Variants in SEC31A observed in about 807,000 individuals in gnomAD.
SEC31A encodes the protein protein transport protein Sec31A.
Under a neutral mutation model 151.0 loss-of-function variants are expected in SEC31A, and 70 were observed. The observed-to-expected ratio is 0.46, with a 90% CI of 0.38 to 0.57. The LOEUF is 0.57. Ranked by LOEUF, SEC31A falls within the 20% of genes least tolerant of loss-of-function variation. The pLI, the probability that SEC31A is intolerant of heterozygous loss-of-function variation, is 0.00. For missense variants in SEC31A, 1,330 were observed against 1,471.2 expected (o/e 0.90, Z 1.57); for synonymous variants, 475 against 505.9 (o/e 0.94, Z 0.82).
At chr4:82,881,518 T>C (rs1406997901) in intron 2 of SEC31A, among the ~76,000 whole-genome samples, 1 of 152,150 alleles carries the variant, frequency 6.6e-6, no homozygotes, top group Admixed American at 6.5e-5. Context: ...ATATATGATA[T>C]AACTATTTCT....
intron 1 of SEC31A, among the ~76,000 whole-genome samples, chr4:82,888,762 G>A (rs1406450353): frequency 6.6e-6 from 1 of 151,702 alleles, no homozygotes; most frequent in East Asian, 1.9e-4. Flanking sequence ...TATTTTTCAT[G>A]CAACTTTCTC....
chr4:82,889,880 C>T (rs1266583074), intron 1 of SEC31A, among the ~76,000 whole-genome samples: 2 of 152,080 alleles, frequency 1.3e-5, no homozygotes, highest in East Asian at 3.8e-4. Context: ...AAACCTCTCC[C>T]TGAGCTGTTA....
intron 1 of SEC31A, among the ~76,000 whole-genome samples, chr4:82,883,363 A>G (rs1483239065): frequency 7.9e-5 from 12 of 152,230 alleles, no homozygotes. Context: ...ATAAATTTCC[A>G]GAAGTAAAAT....
chr4:82,822,905 G>A (rs1349797034), intron 25 of SEC31A, among the ~76,000 whole-genome samples: 4 of 152,050 alleles, frequency 2.6e-5, no homozygotes, highest in Non-Finnish European at 4.4e-5. Flanking sequence ...CCTGGGAGGC[G>A]GAGGTTGCAG....
At chr4:82,848,669 GA>G in intron 20 of SEC31A, 134 bp downstream of exon 20, 1 of 640,688 alleles carries the variant, frequency 1.6e-6, no homozygotes, top group East Asian at 3.3e-5. Flanking sequence ...CAAGATTCTA[GA>G]AAATAGATCT....
At chr4:82,867,043 T>C (rs1735570516) in intron 9 of SEC31A, 83 bp from the exon 10 acceptor site, 1 of 1,553,422 alleles carries the variant, frequency 6.4e-7, no homozygotes. Context: ...AAATTTTTGA[T>C]CACAATTGTC....
intron 19 of SEC31A, 120 bp from the exon 20 acceptor site, chr4:82,849,097 T>C (rs1003202365): frequency 1.5e-5 from 13 of 879,880 alleles, no homozygotes; most frequent in Non-Finnish European, 2.3e-5. Context: ...ATGCTGGGTA[T>C]TATACAATAG....
At position 82,818,958 on chromosome 4, in the gene SEC31A, C is replaced by T; in HGVS notation, c.*116G>A. 1 of 740,518 alleles carries T rather than the reference C, an allele frequency of 1.4e-6. No individual in the cohort carries two copies. The highest frequency in any genetic ancestry group is 2.5e-5 in the South Asian group (1 of 39,480). The allele number at this position is 740,518 out of a possible 1,614,324, so 45.9% of individuals were successfully genotyped here. ...TATCAGCAGAAATAGTGTAAATGCT[C>T]TTGACTGGTTGCTATGCAAACATGC... On this transcript the variant is annotated 3_prime_UTR_variant, in exon 27 of 27. Coordinates refer to ENST00000395310, the MANE Select transcript of SEC31A (RefSeq NM_001077207.4).
intron 4 of SEC31A, among the ~76,000 whole-genome samples, chr4:82,876,898 C>T (rs987592064): frequency 1.3e-5 from 2 of 152,140 alleles, no homozygotes; most frequent in African/African-American, 4.8e-5. Context: ...ATCAGCTGTT[C>T]AATACAATTA....
At chr4:82,877,134 C>G (rs1014457556) in intron 4 of SEC31A, among the ~76,000 whole-genome samples, 1 of 152,022 alleles carries the variant, frequency 6.6e-6, no homozygotes, top group African/African-American at 2.4e-5. Context: ...GTGGCTGAGA[C>G]AGAAGACTTG....
chr4:82,891,072 C>G lies in SEC31A; in HGVS notation c.-5+16G>C. The G allele has an allele frequency of 6.5e-7, 1 of 1,535,890 alleles. No homozygotes were observed. Reference sequence around the variant, plus strand: ...AAGGACCGGCGAAGAGGACAAAAAGCAACGGGCGGACGCACCTGGCGAGGA... The same window carrying G: ...AAGGACCGGCGAAGAGGACAAAAAGGAACGGGCGGACGCACCTGGCGAGGA... On this transcript the variant is annotated intron_variant, in intron 1 of 26. Transcript: ENST00000395310.
chr4:82,872,282 C>T (rs184413504), intron 6 of SEC31A, among the ~76,000 whole-genome samples, 196 bp from the exon 7 acceptor site: 169 of 152,254 alleles, frequency 1.1e-3, no homozygotes, highest in Non-Finnish European at 1.8e-3. Context: ...CCACCTCCCC[C>T]AGGTTCAAGT....
chr4:82,841,649 C>A (rs1304429092), intron 22 of SEC31A, among the ~76,000 whole-genome samples: 2 of 148,330 alleles, frequency 1.3e-5, no homozygotes, highest in African/African-American at 4.9e-5. Context: ...TTAAAAAAAA[C>A]AAAAAAACCC....
At chr4:82,827,714 T>G (rs1249126312) in intron 23 of SEC31A, 82 bp from the exon 24 acceptor site, 3 of 1,439,122 alleles carry the variant, frequency 2.1e-6, no homozygotes, top group Admixed American at 2.1e-5. Context: ...ATAAGGGAGT[T>G]AGGTTATACC....
chr4:82,857,258 CT>C (rs967111432), intron 15 of SEC31A, 128 bp from the exon 16 acceptor site: 2 of 743,866 alleles, frequency 2.7e-6, no homozygotes, highest in African/African-American at 3.6e-5. Context: ...TTTCTGATTA[CT>C]AGTGGATTAA....
chr4:82,874,466 A>G, intron 6 of SEC31A, 145 bp downstream of exon 6: 1 of 739,888 alleles, frequency 1.4e-6, no homozygotes, highest in South Asian at 2.5e-5. Flanking sequence ...AAAAAAAACA[A>G]AACATTCCTT....
At chr4:82,821,003 TG>T in intron 26 of SEC31A, 33 bp downstream of exon 26, 1 of 1,559,582 alleles carries the variant, frequency 6.4e-7, no homozygotes, top group South Asian at 1.1e-5. Flanking sequence ...TAGGAATAAA[TG>T]ATTATCATAA....
chr4:82,896,350 T>TG (rs1215790106), intron 3 of SEC31A, among the ~76,000 whole-genome samples: 1 of 152,156 alleles, frequency 6.6e-6, no homozygotes, highest in Non-Finnish European at 1.5e-5. Context: ...CCCAAGTAGC[T>TG]GGGGTTACAG....
chr4:82,858,621 T>C (rs2149443325), intron 14 of SEC31A, among the ~76,000 whole-genome samples: 1 of 150,228 alleles, frequency 6.7e-6, no homozygotes, highest in Non-Finnish European at 1.5e-5. Context: ...GGTATCTCAG[T>C]AATGAGGCTG....
Sources: allele counts gnomAD v4.1 joint callset (sites outside exome capture counted in the v4.1 genomes callset), GRCh38; gene constraint gnomAD v4.1.1; transcripts MANE v1.5; gene names NCBI Gene and HGNC (gene_info 2026-07-23, HGNC 2026-07-21).